NACA2: variants seen among roughly 807,000 people sequenced by gnomAD.
The protein encoded by NACA2 is nascent polypeptide associated complex subunit alpha 2, also known as nascent polypeptide-associated complex subunit alpha-2.
NACA2 carries 9 observed loss-of-function variants against 15.6 expected under a neutral mutation model. The observed-to-expected ratio is 0.58, with a 90% CI of 0.35 to 1.00. NACA2 has a LOEUF of 1.00. NACA2 is among the 50% of genes least tolerant of loss of function. NACA2 has a pLI of 0.02. For missense variants in NACA2, 258 were observed against 257.5 expected, an observed-to-expected ratio of 1.00 and a Z score of -0.01; for synonymous variants, 111 against 100.5, an observed-to-expected ratio of 1.10 and a Z score of -0.62.
rs769752310 is a variant in NACA2 at position 61,590,700 on chromosome 17, T to C, written c.481A>G (p.Thr161Ala). 23 of 1,614,180 alleles carry C rather than the reference T, an allele frequency of 1.4e-5. No homozygotes were observed. The highest frequency in any genetic ancestry group is 1.9e-5 in the Non-Finnish European group (22 of 1,180,018). Residue 161 changes from threonine (T) to alanine (A), a missense_variant, in exon 1 of 1, where the codon ACT becomes GCT. Thr to Ala is a moderately conservative substitution (Grantham distance 58). Transcript: ENST00000521764. ...GNIQENTQTPTVQEESEEEEV... is the reference protein window; with the variant it reads ...GNIQENTQTPAVQEESEEEEV... The stretch of plus-strand genomic sequence containing the variant: ...TCCTCTTCACTCTCCTCTTGTACAG[T>C]TGGAGTCTGTGTGTTTTCTTGAATG...
Position 61,591,092 on chromosome 17 carries a change from T to C in NACA2, c.89A>G (p.Asp30Gly). 6.2e-7 allele frequency: 1 copy of C among 1,614,260 alleles called. No homozygotes were observed. The highest frequency in any genetic ancestry group is 1.3e-5 in the African/African-American group (1 of 75,070). The change falls in exon 1 of 1, where the codon GAT (aspartate) becomes GGT (glycine). Residue 30 changes from aspartate to glycine, a missense_variant. By Grantham distance (94) the Asp-to-Gly change is moderately conservative (BLOSUM62 -1). Transcript: ENST00000521764. ...QAETGSGTAS[D>G]SGESVPGIEE... is the part of the protein sequence containing the mutation. ...AATCCCTGGTACTGATTCACCACTA[T>C]CAGATGCTGTTCCAGACCCTGTCTC...
rs185989661 is a variant in NACA2 at position 61,590,599 on chromosome 17, C to T, written c.582G>A (p.Lys194=). 351 of 1,614,216 alleles carry T rather than the reference C, an allele frequency of 2.2e-4. 2 individuals carry two copies. The East Asian group carries it at 7.4e-3, about 34-fold the overall frequency. ...TGTTGTTCTTCAGAGCTCGGACTGC[C>T]TTTGCTCTCGACACATTTGCTTGTG... ...VMSQANVSRA[K]AVRALKNNSN... Residue 194 remains lysine, a synonymous_variant, in exon 1 of 1, where the codon AAG becomes AAA. Transcript: ENST00000521764.
chr17:61,591,095 G>A lies in NACA2; in HGVS notation c.86C>T (p.Ser29Phe). 2 of 1,614,262 alleles carry A rather than the reference G, an allele frequency of 1.2e-6. No homozygotes were observed. Among genetic ancestry groups the A allele is most frequent in the South Asian group, 1.1e-5 (1 of 91,090 alleles). ...SQAETGSGTA[S>F]DSGESVPGIE... ...CCCTGGTACTGATTCACCACTATCA[G>A]ATGCTGTTCCAGACCCTGTCTCAGC... The change falls in exon 1 of 1, where the codon TCT becomes TTT. Residue 29 changes from serine (S) to phenylalanine (F), a missense_variant. Ser to Phe is a radical substitution (Grantham distance 155). Transcript: ENST00000521764.
chr17:61,590,821 G>C lies in NACA2; in HGVS notation c.360C>G (p.Tyr120Ter), dbSNP rs1270900015. The change falls in exon 1 of 1, where the codon TAC (tyrosine) becomes TAG (stop). Residue 120 changes from tyrosine (Y) to a stop codon, truncating the protein, a stop_gained. Coordinates refer to ENST00000521764, the MANE Select transcript of NACA2 (RefSeq NM_199290.4). LOFTEE classifies it high-confidence loss of function. ...GGATCTTGGCTTCCCCAAAAACTAT[G>C]TAGGCATCCGAAGCAGGGCTCTTGT... ...DVYKSPASDA[Y>*]IVFGEAKIQD... 2 of 1,614,066 alleles carry C rather than the reference G, an allele frequency of 1.2e-6. No individual in the cohort carries two copies. The highest frequency in any genetic ancestry group is 3.3e-5 in the Admixed American group (2 of 60,004).
Position 61,590,444 on chromosome 17 carries a change from A to C in NACA2, c.*89T>G. 7.5e-7 allele frequency: 1 copy of C among 1,333,270 alleles called. No homozygotes were observed. Among genetic ancestry groups the C allele is most frequent in the Non-Finnish European group, 1.1e-6 (1 of 937,364 alleles). 82.6% of individuals were successfully genotyped at this position (1,333,270 alleles called of 1,614,324 possible). A position where few individuals can be genotyped will look rare whatever the true frequency, so the allele number is the denominator to read the frequency against. On this transcript the variant is annotated 3_prime_UTR_variant, in exon 1 of 1. Transcript: ENST00000521764. ...TCTTTTCTTTTTCCAGCAAGAAGTC[A>C]TAACTTTATTTATGATAGAAACAGT...
At position 61,591,017 on chromosome 17, in the gene NACA2, G is replaced by A. The variant is rs1488178702; in HGVS notation, c.164C>T (p.Ala55Val). The change falls in exon 1 of 1, where the codon GCA (alanine) becomes GTA (valine). Residue 55 changes from alanine to valine, a missense_variant. Physicochemically the swap from Ala to Val is moderately conservative, Grantham distance 64. Transcript: ENST00000521764. ...TGGTTCTTCATCAATTTCAGCTGCT[G>A]CCACCAGCCAGGCTTTTTGTGTGGT... Reference protein sequence around the residue: ...QTTTQKAWLVAAAEIDEEPVG... With the variant: ...QTTTQKAWLVVAAEIDEEPVG... 1.2e-5 allele frequency: 19 copies of A among 1,614,070 alleles called. No individual in the cohort carries two copies. The highest frequency in any genetic ancestry group is 1.7e-5 in the Admixed American group (1 of 59,988).
In NACA2 at chr17:61,590,704, A is replaced by T. The variant is rs772656257; in HGVS notation, c.477T>A (p.Thr159=). Residue 159 remains threonine (T), a synonymous_variant, in exon 1 of 1, where the codon ACT becomes ACA. Coordinates refer to ENST00000521764, the MANE Select transcript of NACA2 (RefSeq NM_199290.4). ...AVGNIQENTQ[T]PTVQEESEEE... ...CTTCACTCTCCTCTTGTACAGTTGGAGTCTGTGTGTTTTCTTGAATGTTTC... is the reference window on the plus strand; with the variant it reads ...CTTCACTCTCCTCTTGTACAGTTGGTGTCTGTGTGTTTTCTTGAATGTTTC... 2 of 1,613,964 alleles carry T rather than the reference A, an allele frequency of 1.2e-6. No individual in the cohort carries two copies. Among genetic ancestry groups the T allele is most frequent in the Non-Finnish European group, 8.5e-7 (1 of 1,179,998 alleles).
rs2060996568 is a variant in NACA2 at position 61,590,777 on chromosome 17, G to A, written c.404C>T (p.Ala135Val). 2 of 1,614,052 alleles carry A rather than the reference G, an allele frequency of 1.2e-6. No individual in the cohort carries two copies. Among genetic ancestry groups the A allele is most frequent in the East Asian group, 2.2e-5 (1 of 44,898 alleles). Residue 135 changes from alanine to valine, a missense_variant, in exon 1 of 1, where the codon GCA (alanine) becomes GTA (valine). By Grantham distance (64) the Ala-to-Val change is moderately conservative. Transcript: ENST00000521764. Reference sequence around the variant, plus strand: ...GAATTTCTCCGCAGCTGCTAGTTGTGCTTGCTGAGATAAATCTTGGATCTT... The same window carrying A: ...GAATTTCTCCGCAGCTGCTAGTTGTACTTGCTGAGATAAATCTTGGATCTT... ...EAKIQDLSQQ[A>V]QLAAAEKFRV...
In NACA2 at chr17:61,591,043, G is replaced by C; in HGVS notation, c.138C>G (p.Thr46=). ...CCACCAGCCAGGCTTTTTGTGTGGT[G>C]GTCTGGGTGGAATCCTGTTCTTCAA... is the stretch of plus-strand genomic sequence containing the variant. The part of the protein sequence containing the change: ...PGIEEQDSTQ[T]TTQKAWLVAA... Residue 46 remains threonine (T), a synonymous_variant, in exon 1 of 1, where the codon ACC becomes ACG. Coordinates refer to ENST00000521764, the MANE Select transcript of NACA2 (RefSeq NM_199290.4). 6.2e-7 allele frequency: 1 copy of C among 1,614,214 alleles called. No individual in the cohort carries two copies. Among genetic ancestry groups the C allele is most frequent in the Non-Finnish European group, 8.5e-7 (1 of 1,180,042 alleles).
rs2060994539 is a variant in NACA2 at position 61,590,425 on chromosome 17, C to A, written c.*108G>T. ...AAAAAGAGAGCATTTCTTTTCTTTT[C>A]TTTTTCCAGCAAGAAGTCATAACTT... is the stretch of plus-strand genomic sequence containing the variant. On this transcript the variant is annotated 3_prime_UTR_variant, in exon 1 of 1. Transcript: ENST00000521764. 7 of 1,173,118 alleles carry A rather than the reference C, an allele frequency of 6.0e-6. No homozygotes were observed. Among genetic ancestry groups the A allele is most frequent in the Admixed American group, 3.9e-5 (2 of 51,540 alleles). 72.7% of individuals were successfully genotyped at this position (1,173,118 alleles called of 1,614,324 possible). A position where few individuals can be genotyped will look rare whatever the true frequency, so the allele number is the denominator to read the frequency against.
chr17:61,590,481 A>C lies in NACA2; in HGVS notation c.*52T>G. On this transcript the variant is annotated 3_prime_UTR_variant, in exon 1 of 1. Coordinates refer to ENST00000521764, the MANE Select transcript of NACA2 (RefSeq NM_199290.4). ...ATGATAGAAACAGTACAAATTTCAA[A>C]CCAAGCTGCAGTTACTCCTTTGAGA... The C allele has an allele frequency of 6.5e-7, 1 of 1,543,464 alleles. No homozygotes were observed. Among genetic ancestry groups the C allele is most frequent in the Non-Finnish European group, 9.0e-7 (1 of 1,116,498 alleles).
Position 61,591,037 on chromosome 17 carries a change from T to C in NACA2, c.144A>G (p.Thr48=). 1 of 1,614,266 alleles carries C rather than the reference T, an allele frequency of 6.2e-7. No homozygotes were observed. Among genetic ancestry groups the C allele is most frequent in the Non-Finnish European group, 8.5e-7 (1 of 1,180,040 alleles). The change falls in exon 1 of 1, where the codon ACA becomes ACG. Residue 48 remains threonine, a synonymous_variant. Transcript: ENST00000521764. ...CTGCTGCCACCAGCCAGGCTTTTTG[T>C]GTGGTGGTCTGGGTGGAATCCTGTT... ...IEEQDSTQTT[T]QKAWLVAAAE...
rs778447481 is a variant in NACA2, at chr17:61,590,882, T to C, written c.299A>G (p.Lys100Arg). Residue 100 changes from lysine (K) to arginine (R), a missense_variant, in exon 1 of 1, where the codon AAG becomes AGG. Lys to Arg is a conservative substitution (Grantham distance 26). Transcript: ENST00000521764. ...GVTRVTIWKS[K>R]NILFVITKLD... The stretch of plus-strand genomic sequence containing the variant: ...TTTTGTGATGACAAAGAGGATATTC[T>C]TAGATTTCCAGATAGTGACTCTAGT... 1.9e-6 allele frequency: 3 copies of C among 1,614,222 alleles called. No individual in the cohort carries two copies. Among genetic ancestry groups the C allele is most frequent in the East Asian group, 2.2e-5 (1 of 44,884 alleles).
Position 61,591,022 on chromosome 17 carries a change from C to T in NACA2, c.159G>A (p.Leu53=), listed in dbSNP as rs1485005451. 1.9e-6 allele frequency: 3 copies of T among 1,614,124 alleles called. No individual in the cohort carries two copies. Among genetic ancestry groups the T allele is most frequent in the African/African-American group, 1.3e-5 (1 of 74,938 alleles). Residue 53 remains leucine, a synonymous_variant, in exon 1 of 1, where the codon CTG becomes CTA. Coordinates refer to ENST00000521764, the MANE Select transcript of NACA2 (RefSeq NM_199290.4). ...STQTTTQKAW[L]VAAAEIDEEP... is the part of the protein sequence containing the mutation. ...CTTCATCAATTTCAGCTGCTGCCAC[C>T]AGCCAGGCTTTTTGTGTGGTGGTCT...
rs1469987613 is a variant in NACA2, at chr17:61,590,450, T to C, written c.*83A>G. The C allele has an allele frequency of 5.9e-6, 8 of 1,365,380 alleles. No homozygotes were observed. In the East Asian group the frequency reaches 1.4e-4, roughly 23 times the overall value. The allele number at this position is 1,365,380 out of a possible 1,614,324, so 84.6% of individuals were successfully genotyped here. A position where few individuals can be genotyped will look rare whatever the true frequency, so the allele number is the denominator to read the frequency against. Reference sequence around the variant, plus strand: ...CTTTTTCCAGCAAGAAGTCATAACTTTATTTATGATAGAAACAGTACAAAT... The same window carrying C: ...CTTTTTCCAGCAAGAAGTCATAACTCTATTTATGATAGAAACAGTACAAAT... On this transcript the variant is annotated 3_prime_UTR_variant, in exon 1 of 1. Coordinates refer to ENST00000521764, the MANE Select transcript of NACA2 (RefSeq NM_199290.4).
chr17:61,590,760 C>T lies in NACA2; in HGVS notation c.421G>A (p.Glu141Lys). 1 of 1,614,208 alleles carries T rather than the reference C, an allele frequency of 6.2e-7. No homozygotes were observed. Among genetic ancestry groups the T allele is most frequent in the South Asian group, 1.1e-5 (1 of 91,082 alleles). ...LSQQAQLAAA[E>K]KFRVQGEAVG... Reference sequence around the variant, plus strand: ...GCTTCACCTTGAACTCTGAATTTCTCCGCAGCTGCTAGTTGTGCTTGCTGA... The same window carrying T: ...GCTTCACCTTGAACTCTGAATTTCTTCGCAGCTGCTAGTTGTGCTTGCTGA... The change falls in exon 1 of 1, where the codon GAG becomes AAG. Residue 141 changes from glutamate to lysine, a missense_variant. Glu to Lys is a moderately conservative substitution (Grantham distance 56). Coordinates refer to ENST00000521764, the MANE Select transcript of NACA2 (RefSeq NM_199290.4).
At position 61,591,110 on chromosome 17, in the gene NACA2, C is replaced by G. The variant is rs1444294600; in HGVS notation, c.71G>C (p.Gly24Ala). 6.2e-7 allele frequency: 1 copy of G among 1,614,234 alleles called. No homozygotes were observed. Among genetic ancestry groups the G allele is most frequent in the East Asian group, 2.2e-5 (1 of 44,884 alleles). Residue 24 changes from glycine (G) to alanine (A), a missense_variant, in exon 1 of 1, where the codon GGG becomes GCG. Transcript: ENST00000521764. Reference protein sequence around the residue: ...QELPQSQAETGSGTASDSGES... With the variant: ...QELPQSQAETASGTASDSGES... The stretch of plus-strand genomic sequence containing the variant: ...ACCACTATCAGATGCTGTTCCAGAC[C>G]CTGTCTCAGCCTGGGACTGCGGCAA...
At position 61,590,721 on chromosome 17, in the gene NACA2, G is replaced by T. The variant is rs76240935; in HGVS notation, c.460C>A (p.Gln154Lys). The stretch of plus-strand genomic sequence containing the variant: ...ACAGTTGGAGTCTGTGTGTTTTCTT[G>T]AATGTTTCCGACAGCTTCACCTTGA... ...RVQGEAVGNI[Q>K]ENTQTPTVQE... Residue 154 changes from glutamine to lysine, a missense_variant, in exon 1 of 1, where the codon CAA (glutamine) becomes AAA (lysine). Coordinates refer to ENST00000521764, the MANE Select transcript of NACA2 (RefSeq NM_199290.4). 2 of 1,613,984 alleles carry T rather than the reference G, an allele frequency of 1.2e-6. No individual in the cohort carries two copies. The highest frequency in any genetic ancestry group is 2.7e-5 in the African/African-American group (2 of 74,872).
rs879238750 is a variant in NACA2, at chr17:61,590,892, A to G, written c.289T>C (p.Trp97Arg). 2 of 1,614,238 alleles carry G rather than the reference A, an allele frequency of 1.2e-6. No individual in the cohort carries two copies. The highest frequency in any genetic ancestry group is 1.7e-6 in the Non-Finnish European group (2 of 1,180,044). Residue 97 changes from tryptophan to arginine, a missense_variant, in exon 1 of 1, where the codon TGG (tryptophan) becomes CGG (arginine). Coordinates refer to ENST00000521764, the MANE Select transcript of NACA2 (RefSeq NM_199290.4). ...QVTGVTRVTI[W>R]KSKNILFVIT... ...ACAAAGAGGATATTCTTAGATTTCC[A>G]GATAGTGACTCTAGTAACTCCTGTA...
Sources: allele counts gnomAD v4.1 joint callset, GRCh38; gene constraint gnomAD v4.1.1; transcripts MANE v1.5; gene names NCBI Gene and HGNC (gene_info 2026-07-23, HGNC 2026-07-21).